The following TLK2 variants were observed in gnomAD, a reference collection of about 807,000 sequenced individuals.
TLK2 encodes serine/threonine-protein kinase tousled-like 2.
TLK2 carries 6 observed loss-of-function variants against 117.3 expected under a neutral mutation model. That is an observed-to-expected ratio of 0.05 (90% CI 0.03 to 0.10). The LOEUF (loss-of-function observed/expected upper bound fraction) is 0.10. Among genes scored for constraint, TLK2 ranks in the 10% least tolerant of loss-of-function variants. TLK2 has a pLI of 1.00. For synonymous variants in TLK2, 257 were observed against 316.7 expected (o/e 0.81, Z 2.00); for missense variants, 299 against 901.2 (o/e 0.33, Z 8.56).
rs1362911030 is a variant in TLK2, at chr17:62,542,734, T to C, written c.531+6397T>C. Among the ~76,000 whole-genome samples, 8 of 152,236 alleles carry C rather than the reference T, an allele frequency of 5.3e-5. No individual in the cohort carries two copies. In the East Asian group the frequency reaches 1.5e-3, roughly 29 times the overall value. ...AACAGTTCTGGTTGTCAAGGTCTACTGGATCTTTTTTTCCCTTAATGGCAA... is the reference window on the plus strand; with the variant it reads ...AACAGTTCTGGTTGTCAAGGTCTACCGGATCTTTTTTTCCCTTAATGGCAA... On this transcript the variant is annotated intron_variant, in intron 7 of 21. Transcript: ENST00000346027.
Position 62,590,116 on chromosome 17 carries a change from G to GA in TLK2, c.1460+3900dup, listed in dbSNP as rs1229679885. ...GCCACCGTGCCCGGCCTTTAACCTT[G>GA]AAAAAAAAAACAAAAAAAACAAACA... On this transcript the variant is annotated intron_variant, in intron 16 of 21. Coordinates refer to ENST00000346027, the MANE Select transcript of TLK2 (RefSeq NM_006852.6). Among the ~76,000 whole-genome samples the GA allele has an allele frequency of 3.9e-3, 508 of 131,464 alleles. 1 individual carries two copies. Among genetic ancestry groups the GA allele is most frequent in the African/African-American group, 0.012 (436 of 36,714 alleles). 86.2% of individuals were successfully genotyped at this position (131,464 alleles called of 152,430 possible). A position where few individuals can be genotyped will look rare whatever the true frequency, so the allele number is the denominator to read the frequency against.
intron 17 of TLK2, among the ~76,000 whole-genome samples, chr17:62,599,246 G>A (rs1255137539): frequency 1.3e-5 from 2 of 152,206 alleles, no homozygotes; most frequent in Non-Finnish European, 2.9e-5. Flanking sequence ...TTTCAAATAG[G>A]GTGTTAGCAT....
At chr17:62,511,105 T>C (rs1383563454) in intron 2 of TLK2, among the ~76,000 whole-genome samples, 1 of 152,198 alleles carries the variant, frequency 6.6e-6, no homozygotes, top group Non-Finnish European at 1.5e-5. Context: ...ATTGGTACAA[T>C]CCATAGGACT....
chr17:62,591,241 T>C (rs2082058195), intron 16 of TLK2, among the ~76,000 whole-genome samples: 1 of 152,136 alleles, frequency 6.6e-6, no homozygotes, highest in African/African-American at 2.4e-5. Context: ...AGAGCAAGAC[T>C]GTCTTAAAAA....
rs1391374619 is a variant in TLK2 at position 62,549,413 on chromosome 17, A to T, written c.532-2889A>T. Among the ~76,000 whole-genome samples the T allele has an allele frequency of 2.3e-4, 6 of 26,612 alleles. No homozygotes were observed. The East Asian group carries it at 4.2e-3, about 18-fold the overall frequency. 17.5% of individuals were successfully genotyped at this position (26,612 alleles called of 152,430 possible). On this transcript the variant is annotated intron_variant, in intron 7 of 21. Transcript: ENST00000346027. ...GACTCCATCTCAAAAAAAAAAAAAA[A>T]AAAAAAAAAAAAAAAAAAAAAAAAT...
At chr17:62,503,637 T>G (rs1598260201) in intron 2 of TLK2, among the ~76,000 whole-genome samples, 2 of 152,158 alleles carry the variant, frequency 1.3e-5, no homozygotes, top group South Asian at 4.1e-4. Flanking sequence ...CAGGCTGCTC[T>G]TAAACTCCTG....
intron 16 of TLK2, among the ~76,000 whole-genome samples, chr17:62,586,543 C>A (rs944894571): frequency 6.6e-6 from 1 of 152,024 alleles, no homozygotes; most frequent in Non-Finnish European, 1.5e-5. Context: ...TTTTGCTGGC[C>A]GGGCACGGTG....
chr17:62,556,411 T>G (rs1174705546), intron 9 of TLK2, among the ~76,000 whole-genome samples: 2 of 152,194 alleles, frequency 1.3e-5, no homozygotes, highest in Non-Finnish European at 2.9e-5. Context: ...GTGGTACATT[T>G]TTAAGTGATT....
At chr17:62,575,961 C>T (rs1187081796) in intron 12 of TLK2, among the ~76,000 whole-genome samples, 1 of 152,140 alleles carries the variant, frequency 6.6e-6, no homozygotes, top group African/African-American at 2.4e-5. Context: ...TCCCAGAGTA[C>T]TGGGATTACA....
Position 62,554,297 on chromosome 17 carries a change from G to A in TLK2, c.720+542G>A, listed in dbSNP as rs554239584. ...TAGTTTTTAAAGAGTAAAAAGGGCC[G>A]GACATGGTGGTTCACACCTGTAATC... On this transcript the variant is annotated intron_variant, in intron 9 of 21. Coordinates refer to ENST00000346027, the MANE Select transcript of TLK2 (RefSeq NM_006852.6). Among the ~76,000 whole-genome samples, 14 of 152,272 alleles carry A rather than the reference G, an allele frequency of 9.2e-5. No homozygotes were observed. The East Asian group carries it at 1.2e-3, about 13-fold the overall frequency.
chr17:62,515,253 C>T (rs764656074), intron 2 of TLK2, among the ~76,000 whole-genome samples: 2 of 152,290 alleles, frequency 1.3e-5, no homozygotes, highest in East Asian at 1.9e-4. Flanking sequence ...GAGTTGCTTG[C>T]ACCTTTTGGC....
intron 6 of TLK2, among the ~76,000 whole-genome samples, chr17:62,534,881 CTTTTTTTTTTT>C (rs386386398): frequency 1.5e-4 from 11 of 72,988 alleles, no homozygotes; most frequent in South Asian, 6.0e-4. Flanking sequence ...TAATTCCAGT[CTTTTTTTTTTT>C]TTTTTTTTTT....
At chr17:62,493,941 A>G (rs1486428695) in intron 2 of TLK2, among the ~76,000 whole-genome samples, 1 of 152,044 alleles carries the variant, frequency 6.6e-6, no homozygotes, top group Non-Finnish European at 1.5e-5. Context: ...TATTTTTAGT[A>G]GAGACGGGGT....
At chr17:62,473,874 A>T (rs2070987455), upstream of TLK2, among the ~76,000 whole-genome samples, 1 of 151,968 alleles carries the variant, frequency 6.6e-6, no homozygotes, top group Non-Finnish European at 1.5e-5. Context: ...GATTTCCCAT[A>T]CTAGGGAGCA....
chr17:62,586,826 C>A (rs1277449580), intron 16 of TLK2, among the ~76,000 whole-genome samples: 16 of 142,700 alleles, frequency 1.1e-4, no homozygotes, highest in Admixed American at 1.4e-4. Context: ...GACTGCATCT[C>A]AAAAAAAAAA....
At chr17:62,495,674 T>TATATATA in intron 2 of TLK2, among the ~76,000 whole-genome samples, 1 of 147,948 alleles carries the variant, frequency 6.8e-6, no homozygotes, top group Non-Finnish European at 1.5e-5. Context: ...TATATATATA[T>TATATATA]TGGAGACGGA....
At chr17:62,581,520 C>T (rs1010520616) in intron 15 of TLK2, among the ~76,000 whole-genome samples, 1 of 151,368 alleles carries the variant, frequency 6.6e-6, no homozygotes, top group South Asian at 2.1e-4. Context: ...CTCACTGCAA[C>T]CTCCCACTCC....
chr17:62,532,786 A>G (rs529568147), intron 6 of TLK2, among the ~76,000 whole-genome samples: 14 of 152,326 alleles, frequency 9.2e-5, no homozygotes, highest in Middle Eastern at 3.4e-3. Flanking sequence ...TAGTGCTGCA[A>G]TGAACATCCT....
At chr17:62,549,523 C>T (rs1324807463) in intron 7 of TLK2, among the ~76,000 whole-genome samples, 1 of 149,750 alleles carries the variant, frequency 6.7e-6, no homozygotes, top group Non-Finnish European at 1.5e-5. Context: ...TGCTTGTATC[C>T]TAGTGCATTA....
Sources: gnomAD v4.1 joint callset for allele counts (sites outside exome capture counted in the v4.1 genomes callset) on GRCh38, gnomAD v4.1.1 for gene constraint, MANE v1.5 for transcripts, NCBI Gene and HGNC (gene_info 2026-07-23, HGNC 2026-07-21) for gene names.